RBPMS: variants seen among roughly 807,000 people sequenced by gnomAD.
The protein encoded by RBPMS is RNA binding protein, mRNA processing factor.
Under a neutral mutation model 26.8 loss-of-function variants are expected in RBPMS, and 7 were observed. That is an observed-to-expected ratio of 0.26 (90% CI 0.15 to 0.49). The LOEUF (loss-of-function observed/expected upper bound fraction) is 0.49. RBPMS is among the 20% of genes least tolerant of loss of function. RBPMS has a pLI of 0.98. For synonymous variants in RBPMS, 96 were observed against 93.3 expected (o/e 1.03, Z -0.17); for missense variants, 186 against 250.0 (o/e 0.74, Z 1.73).
chr8:30,440,850 G>A (rs1812991368), intron 1 of RBPMS, among the ~76,000 whole-genome samples: 1 of 150,238 alleles, frequency 6.7e-6, no homozygotes, highest in South Asian at 2.1e-4. Context: ...GTGGGGTGCA[G>A]TGCCATGATC....
chr8:30,431,514 G>C (rs1469553797), intron 1 of RBPMS, among the ~76,000 whole-genome samples: 1 of 151,648 alleles, frequency 6.6e-6, no homozygotes, highest in Non-Finnish European at 1.5e-5. Flanking sequence ...GAGTACAGTG[G>C]TGTGATCTTG....
Position 30,474,843 on chromosome 8 carries a change from T to G in RBPMS, c.131T>G (p.Phe44Cys). ...DIKPRELYLL[F>C]RPFKGYEGSL... Reference sequence around the variant, plus strand: ...AAACCTCGGGAGCTCTATCTGCTTTTCAGACCATTTAAGGTACCTTTTTTT... The same window carrying G: ...AAACCTCGGGAGCTCTATCTGCTTTGCAGACCATTTAAGGTACCTTTTTTT... Residue 44 changes from phenylalanine to cysteine, a missense_variant, in exon 2 of 9, where the codon TTC (phenylalanine) becomes TGC (cysteine). Transcript: ENST00000397323. 1.2e-6 allele frequency: 2 copies of G among 1,606,328 alleles called. No individual in the cohort carries two copies. The highest frequency in any genetic ancestry group is 1.7e-6 in the Non-Finnish European group (2 of 1,173,048).
chr8:30,474,389 T>C lies in RBPMS; in HGVS notation c.67-390T>C, dbSNP rs1170302894. Among the ~76,000 whole-genome samples the C allele has an allele frequency of 2.6e-5, 4 of 152,222 alleles. No individual in the cohort carries two copies. The East Asian group carries it at 7.7e-4, about 29-fold the overall frequency. On this transcript the variant is annotated intron_variant, in intron 1 of 8. Coordinates refer to ENST00000397323, the MANE Select transcript of RBPMS (RefSeq NM_001008710.3). The stretch of plus-strand genomic sequence containing the variant: ...TACTGTGCTCATGTCATTTTTTTCT[T>C]AAGCTAATATTTAAATTATATGGAA...
intron 8 of RBPMS, among the ~76,000 whole-genome samples, chr8:30,567,290 G>T (rs146679366): frequency 6.6e-6 from 1 of 152,162 alleles, no homozygotes; most frequent in Admixed American, 6.5e-5. Context: ...TCTCAGTGCC[G>T]ACCCAGGAGC....
intron 4 of RBPMS, among the ~76,000 whole-genome samples, chr8:30,500,783 A>T (rs1403209518): frequency 6.6e-6 from 1 of 152,168 alleles, no homozygotes; most frequent in African/African-American, 2.4e-5. Context: ...GGTCAGAGGA[A>T]TAAGGGCACA....
intron 1 of RBPMS, among the ~76,000 whole-genome samples, chr8:30,423,624 T>G: frequency 7.0e-6 from 1 of 142,064 alleles, no homozygotes; most frequent in South Asian, 2.2e-4. Flanking sequence ...ATCTGCAGGG[T>G]GAATTGGTGG....
chr8:30,428,285 T>C (rs1049931248), intron 1 of RBPMS, among the ~76,000 whole-genome samples: 8 of 151,830 alleles, frequency 5.3e-5, no homozygotes, highest in Non-Finnish European at 1.0e-4. Flanking sequence ...CCTCCCAAAG[T>C]GCTGGGATTA....
intron 1 of RBPMS, among the ~76,000 whole-genome samples, chr8:30,421,498 A>C (rs1056181344): frequency 1.3e-5 from 2 of 152,212 alleles, no homozygotes. Context: ...CCTTAAGTAC[A>C]AACATCATTT....
chr8:30,470,413 A>G (rs1221779903), intron 1 of RBPMS, among the ~76,000 whole-genome samples: 2 of 152,096 alleles, frequency 1.3e-5, no homozygotes, highest in Non-Finnish European at 2.9e-5. Context: ...TCTAGATCCC[A>G]GTCACCATAG....
intron 1 of RBPMS, among the ~76,000 whole-genome samples, chr8:30,460,690 T>A (rs544756027): frequency 6.6e-6 from 1 of 152,288 alleles, no homozygotes; most frequent in South Asian, 2.1e-4. Context: ...TCAGGAAAAT[T>A]ATAAGTTGAA....
Position 30,384,823 on chromosome 8 carries a change from T to A in RBPMS, c.-270T>A. 3.3e-6 allele frequency: 1 copy of A among 304,966 alleles called. No homozygotes were observed. Among genetic ancestry groups the A allele is most frequent in the Non-Finnish European group, 6.0e-6 (1 of 167,220 alleles). The allele number at this position is 304,966 out of a possible 1,614,324, so 18.9% of individuals were successfully genotyped here. ...CCAGGTCGCCCTCCCGGGGCCCGATTGTCTCGGTGCCCCGCTCCCGGCCCG... is the reference window on the plus strand; with the variant it reads ...CCAGGTCGCCCTCCCGGGGCCCGATAGTCTCGGTGCCCCGCTCCCGGCCCG... On this transcript the variant is annotated 5_prime_UTR_variant, in exon 1 of 9. Transcript: ENST00000397323. This position sits in a 1 kb window ranked among gnomAD's most constrained non-coding sequence, Gnocchi z 5.6.
intron 5 of RBPMS, among the ~76,000 whole-genome samples, chr8:30,524,473 C>T (rs1291999672): frequency 6.6e-6 from 1 of 152,076 alleles, no homozygotes; most frequent in African/African-American, 2.4e-5. Flanking sequence ...CTATTCAGTA[C>T]AATACTCAGG....
chr8:30,391,864 G>A (rs1807827722), intron 1 of RBPMS, among the ~76,000 whole-genome samples: 1 of 152,040 alleles, frequency 6.6e-6, no homozygotes, highest in South Asian at 2.1e-4. Context: ...TCTTTAGCCT[G>A]CAGAATTGTC....
chr8:30,529,035 G>A (rs1020237510), intron 5 of RBPMS, among the ~76,000 whole-genome samples: 2 of 151,816 alleles, frequency 1.3e-5, no homozygotes, highest in African/African-American at 4.8e-5. Context: ...GGCTAACATG[G>A]TAAAGCCCAC....
intron 1 of RBPMS, among the ~76,000 whole-genome samples, chr8:30,416,956 G>T (rs553657020): frequency 2.6e-5 from 4 of 152,194 alleles, no homozygotes; most frequent in African/African-American, 9.6e-5. Flanking sequence ...TTTTAGTAGA[G>T]ACGGGGTTTT....
chr8:30,556,808 C>A (rs894161280), intron 6 of RBPMS: 4 of 984,712 alleles, frequency 4.1e-6, no homozygotes, highest in Admixed American at 1.2e-4. Context: ...GGTATGAGTT[C>A]TTTCTTCTCC....
At chr8:30,463,797 C>T (rs1340265005) in intron 1 of RBPMS, among the ~76,000 whole-genome samples, 1 of 152,196 alleles carries the variant, frequency 6.6e-6, no homozygotes, top group Non-Finnish European at 1.5e-5. Flanking sequence ...CCAGCAGACT[C>T]CATGTGTTTT....
intron 5 of RBPMS, among the ~76,000 whole-genome samples, chr8:30,536,128 C>CTT (rs11440225): frequency 0.048 from 6,652 of 138,142 alleles, 216 homozygotes; most frequent in Middle Eastern, 0.079. Flanking sequence ...TCATCTCTCT[C>CTT]TTTTTTTTTT....
intron 5 of RBPMS, among the ~76,000 whole-genome samples, chr8:30,512,951 T>C (rs1821875907): frequency 6.6e-6 from 1 of 152,188 alleles, no homozygotes; most frequent in African/African-American, 2.4e-5. Flanking sequence ...CCCGAAATGC[T>C]ACTGGGTGGG....
Sources: gnomAD v4.1 joint callset for allele counts (sites outside exome capture counted in the v4.1 genomes callset) on GRCh38, gnomAD v4.1.1 for gene constraint, Gnocchi (gnomAD v3.1) non-coding constraint, MANE v1.5 for transcripts, NCBI Gene and HGNC (gene_info 2026-07-23, HGNC 2026-07-21) for gene names.